The following CADM1 variants were observed in gnomAD, a reference collection of about 807,000 sequenced individuals.
CADM1 encodes TSLC-1.
Under a neutral mutation model 53.1 loss-of-function variants are expected in CADM1, and 15 were observed. That is an observed-to-expected ratio of 0.28 (90% CI 0.19 to 0.44). CADM1 has a LOEUF of 0.44. Among genes scored for constraint, CADM1 ranks in the 20% least tolerant of loss-of-function variants. The pLI is 1.00. For missense variants in CADM1, 434 were observed against 611.3 expected, an observed-to-expected ratio of 0.71 and a Z score of 3.06; for synonymous variants, 281 against 243.0, an observed-to-expected ratio of 1.16 and a Z score of -1.45.
At chr11:115,359,920 T>C (rs1380587059) in intron 1 of CADM1, among the ~76,000 whole-genome samples, 1 of 152,166 alleles carries the variant, frequency 6.6e-6, no homozygotes, top group African/African-American at 2.4e-5. Context: ...TCCTCACAAT[T>C]GCCTTGATAT....
chr11:115,469,786 C>T (rs1277234628), intron 1 of CADM1, among the ~76,000 whole-genome samples: 1 of 151,772 alleles, frequency 6.6e-6, no homozygotes, highest in East Asian at 1.9e-4. Context: ...ATTCTCCTGC[C>T]TCAGCCTCCC....
chr11:115,357,283 C>G (rs149026372), intron 1 of CADM1, among the ~76,000 whole-genome samples: 1 of 152,156 alleles, frequency 6.6e-6, no homozygotes, highest in Admixed American at 6.5e-5. Flanking sequence ...AGGAAAACAA[C>G]GCTGCTCTAT....
chr11:115,356,131 G>A (rs1945864226), intron 1 of CADM1, among the ~76,000 whole-genome samples: 2 of 151,788 alleles, frequency 1.3e-5, no homozygotes, highest in African/African-American at 4.8e-5. Context: ...GCGCCCGGCT[G>A]AGGTACACTA....
intron 1 of CADM1, among the ~76,000 whole-genome samples, chr11:115,351,917 A>G (rs538195779): frequency 6.6e-6 from 1 of 152,296 alleles, no homozygotes; most frequent in South Asian, 2.1e-4. Flanking sequence ...CTTAAACCAT[A>G]GGAAGCTTCC....
intron 1 of CADM1, among the ~76,000 whole-genome samples, chr11:115,316,710 A>G (rs1301678052): frequency 6.6e-6 from 1 of 152,188 alleles, no homozygotes; most frequent in African/African-American, 2.4e-5. Flanking sequence ...TACAAATGCC[A>G]AAAATCTCTC....
intron 1 of CADM1, among the ~76,000 whole-genome samples, chr11:115,403,118 G>A (rs1163716008): frequency 6.6e-6 from 1 of 152,176 alleles, no homozygotes; most frequent in Non-Finnish European, 1.5e-5. Context: ...CAGGATAAAT[G>A]GGTATTATAG....
chr11:115,299,852 G>GGACC (rs1232675766), intron 1 of CADM1, among the ~76,000 whole-genome samples: 2 of 152,050 alleles, frequency 1.3e-5, no homozygotes, highest in African/African-American at 4.8e-5. Context: ...CAGAAGCAGA[G>GGACC]GACCCTGCCT....
intron 1 of CADM1, among the ~76,000 whole-genome samples, chr11:115,386,720 T>C (rs1250386053): frequency 6.6e-6 from 1 of 152,022 alleles, no homozygotes; most frequent in Non-Finnish European, 1.5e-5. Context: ...CAGAGCCTCA[T>C]GACCCAGTCA....
intron 1 of CADM1, among the ~76,000 whole-genome samples, chr11:115,330,265 CT>C (rs1292785007): frequency 6.6e-6 from 1 of 151,808 alleles, no homozygotes; most frequent in Admixed American, 6.6e-5. Context: ...TCGTTTTATT[CT>C]TTTTAAAGTT....
At chr11:115,426,476 G>A (rs539462766) in intron 1 of CADM1, among the ~76,000 whole-genome samples, 1 of 152,240 alleles carries the variant, frequency 6.6e-6, no homozygotes, top group African/African-American at 2.4e-5. Flanking sequence ...GTCTTAGCCT[G>A]TAAAGAAAGC....
At chr11:115,503,567 C>G (rs1040891661) in intron 1 of CADM1, among the ~76,000 whole-genome samples, 28 of 152,214 alleles carry the variant, frequency 1.8e-4, no homozygotes, top group Admixed American at 9.1e-4. Flanking sequence ...GGCCGCCCCC[C>G]CCGCGGGGCC....
At chr11:115,206,758 C>CTTTTTTTTT (rs56270694) in intron 8 of CADM1, among the ~76,000 whole-genome samples, 4,687 of 38,160 alleles carry the variant, frequency 0.12, 2,130 homozygotes, top group East Asian at 0.19. Flanking sequence ...CTGTGGACTT[C>CTTTTTTTTT]TTTTTTTTTT....
At chr11:115,238,963 C>G (rs1338921197) in intron 2 of CADM1, among the ~76,000 whole-genome samples, 3 of 151,982 alleles carry the variant, frequency 2.0e-5, no homozygotes, top group Non-Finnish European at 4.4e-5. Flanking sequence ...TCAGCACTTA[C>G]TCATACATGT....
At chr11:115,395,060 G>T (rs1011333108) in intron 1 of CADM1, among the ~76,000 whole-genome samples, 3 of 152,150 alleles carry the variant, frequency 2.0e-5, no homozygotes, top group Non-Finnish European at 4.4e-5. Context: ...GCCTTTGATA[G>T]TTCAATTTTC....
chr11:115,311,738 A>G (rs903022824), intron 1 of CADM1, among the ~76,000 whole-genome samples: 8 of 152,084 alleles, frequency 5.3e-5, no homozygotes, highest in Non-Finnish European at 1.0e-4. Context: ...CTCAGTGAGG[A>G]AAACTCTCTT....
At chr11:115,326,034 T>A (rs950940216) in intron 1 of CADM1, among the ~76,000 whole-genome samples, 1 of 152,166 alleles carries the variant, frequency 6.6e-6, no homozygotes, top group Non-Finnish European at 1.5e-5. Context: ...AAACATTACA[T>A]ACACACATAT....
intron 1 of CADM1, among the ~76,000 whole-genome samples, chr11:115,415,823 C>CAAAAAA (rs71066426): frequency 6.9e-5 from 3 of 43,658 alleles, no homozygotes; most frequent in African/African-American, 1.2e-4. Context: ...AGACTGTCTC[C>CAAAAAA]AAAAAAAAAA....
At chr11:115,427,684 GA>G (rs1057299706) in intron 1 of CADM1, among the ~76,000 whole-genome samples, 2 of 151,942 alleles carry the variant, frequency 1.3e-5, no homozygotes, top group African/African-American at 2.4e-5. Flanking sequence ...AGAAATTAAA[GA>G]AAAAGAAAAT....
intron 1 of CADM1, among the ~76,000 whole-genome samples, chr11:115,400,065 A>G (rs1034775108): frequency 2.6e-5 from 4 of 152,226 alleles, no homozygotes; most frequent in African/African-American, 9.6e-5. Flanking sequence ...TCAACAAAGA[A>G]TTGGTCGATA....
Sources: allele counts gnomAD v4.1 joint callset (sites outside exome capture counted in the v4.1 genomes callset), GRCh38; gene constraint gnomAD v4.1.1; transcripts MANE v1.5; gene names NCBI Gene and HGNC (gene_info 2026-07-23, HGNC 2026-07-21).